RIMKLB: variants seen among roughly 807,000 people sequenced by gnomAD.
The protein encoded by RIMKLB is ribosomal modification protein rimK like family member B.
A neutral mutation model predicts 32.0 loss-of-function variants in RIMKLB; 7 were observed. The observed-to-expected ratio is 0.22, with a 90% CI of 0.12 to 0.41. The LOEUF (loss-of-function observed/expected upper bound fraction) is 0.41. Among genes scored for constraint, RIMKLB ranks in the 10% least tolerant of loss-of-function variants. The pLI is 1.00. For missense variants in RIMKLB, 289 were observed against 498.7 expected (o/e 0.58, Z 4.00); for synonymous variants, 172 against 185.1 (o/e 0.93, Z 0.57).
At chr12:8,668,982 T>A in the RIMKLB span, 1 of 150,006 alleles carries the variant, frequency 6.7e-6, no homozygotes, top group East Asian at 1.9e-4. Context: ...TTATATAAAT[T>A]TAATATATAT....
chr12:8,774,448 A>G lies in RIMKLB; in HGVS notation c.*664A>G, dbSNP rs887066667. The G allele has an allele frequency of 8.1e-6, 8 of 985,494 alleles. No homozygotes were observed. In the African/African-American group the frequency reaches 1.0e-4, roughly 13 times the overall value. 61.0% of individuals were successfully genotyped at this position (985,494 alleles called of 1,614,324 possible). ...TGAAATGGAAATGAACAGTATTGCA[A>G]TGTCCGGTATACAAAATAACATTAA... On this transcript the variant is annotated 3_prime_UTR_variant, in exon 6 of 6. Coordinates refer to ENST00000535829, the MANE Select transcript of RIMKLB (RefSeq NM_001297776.2).
At chr12:8,697,597 A>AC (rs1000029722), upstream of RIMKLB, 475 of 165,122 alleles carry the variant, frequency 2.9e-3, no homozygotes, top group Admixed American at 6.2e-3. Flanking sequence ...CTCGCCCCCC[A>AC]CCCCCCCCAT....
chr12:8,757,772 G>A (rs1237475383), intron 5 of RIMKLB, among the ~76,000 whole-genome samples: 4 of 152,054 alleles, frequency 2.6e-5, no homozygotes, highest in Non-Finnish European at 5.9e-5. Flanking sequence ...CCAGAAGTGG[G>A]ATTTCTGTGT....
At chr12:8,744,133 G>A (rs1947854272) in intron 2 of RIMKLB, among the ~76,000 whole-genome samples, 1 of 151,974 alleles carries the variant, frequency 6.6e-6, no homozygotes, top group South Asian at 2.1e-4. Flanking sequence ...TCAAAGGCAT[G>A]AGTGATATTT....
intron 2 of RIMKLB, among the ~76,000 whole-genome samples, chr12:8,725,087 A>C (rs758028753): frequency 7.9e-5 from 12 of 152,242 alleles, no homozygotes; most frequent in African/African-American, 2.9e-4. Context: ...CAAACACTGG[A>C]CCATCTTATT....
chr12:8,761,413 T>C (rs1949510542), intron 5 of RIMKLB, among the ~76,000 whole-genome samples: 1 of 152,174 alleles, frequency 6.6e-6, no homozygotes, highest in Non-Finnish European at 1.5e-5. Context: ...TTTTTTTGTT[T>C]CAGTTGCAAG....
In RIMKLB at chr12:8,753,959, C is replaced by T. The variant is rs754337339; in HGVS notation, c.563C>T (p.Ala188Val). The T allele has an allele frequency of 5.6e-6, 9 of 1,613,866 alleles. No homozygotes were observed. The highest frequency in any genetic ancestry group is 1.3e-5 in the African/African-American group (1 of 75,008). ...ADLSHLIRHE[A>V]PYLFQKYVKE... The stretch of plus-strand genomic sequence containing the variant: ...CTAAGCCATCTTATTCGCCATGAAG[C>T]GCCATACCTGTTCCAGAAGTATGTT... Residue 188 changes from alanine (A) to valine (V), a missense_variant, in exon 5 of 6, where the codon GCG (alanine) becomes GTG (valine). Ala to Val is a moderately conservative substitution (Grantham distance 64). Coordinates refer to ENST00000535829, the MANE Select transcript of RIMKLB (RefSeq NM_001297776.2).
intron 2 of RIMKLB, among the ~76,000 whole-genome samples, chr12:8,748,605 T>TA (rs1445783726): frequency 6.7e-6 from 1 of 148,190 alleles, no homozygotes; most frequent in Non-Finnish European, 1.5e-5. Flanking sequence ...AATTTATATA[T>TA]TTTTTATATA....
upstream of RIMKLB, among the ~76,000 whole-genome samples, chr12:8,694,918 A>G (rs1942840991): frequency 6.6e-6 from 1 of 152,200 alleles, no homozygotes; most frequent in Admixed American, 6.5e-5. Context: ...TTTTGGTATC[A>G]GTTAGTCTTG....
downstream of RIMKLB, chr12:8,780,830 GCCTGTAGGT>G (rs1209726986): frequency 6.6e-6 from 1 of 152,158 alleles, no homozygotes; most frequent in Non-Finnish European, 1.5e-5. Context: ...AATCATAAAT[GCCTGTAGGT>G]CCTTGCCTTA....
chr12:8,728,789 T>TTTTTGTTTG (rs1946276839), intron 2 of RIMKLB, among the ~76,000 whole-genome samples: 4 of 131,840 alleles, frequency 3.0e-5, no homozygotes, highest in Admixed American at 2.9e-4. Flanking sequence ...GTGTGTGTGT[T>TTTTTGTTTG]TTTGTTTGTT....
chr12:8,754,372 T>G (rs924320238), intron 5 of RIMKLB, among the ~76,000 whole-genome samples: 2 of 152,212 alleles, frequency 1.3e-5, no homozygotes, highest in African/African-American at 4.8e-5. Context: ...TGACAAAAGT[T>G]AAGAGATTCC....
upstream of RIMKLB, among the ~76,000 whole-genome samples, chr12:8,695,567 CTTTT>C (rs1224206899): frequency 6.6e-6 from 1 of 151,642 alleles, no homozygotes; most frequent in Non-Finnish European, 1.5e-5. Flanking sequence ...TTATCATTGG[CTTTT>C]TTTAAATACC....
intron 2 of RIMKLB, among the ~76,000 whole-genome samples, chr12:8,725,705 C>CT (rs1192549852): frequency 1.3e-5 from 2 of 152,216 alleles, no homozygotes; most frequent in East Asian, 3.8e-4. Context: ...GTTTAACCAT[C>CT]TATGTTCAGG....
At chr12:8,773,136 G>GA (rs1950538850) in intron 5 of RIMKLB, among the ~76,000 whole-genome samples, 185 bp from the exon 6 acceptor site, 1 of 151,910 alleles carries the variant, frequency 6.6e-6, no homozygotes, top group Non-Finnish European at 1.5e-5. Flanking sequence ...CAATTCCTGG[G>GA]AGACTGGATA....
intron 2 of RIMKLB, among the ~76,000 whole-genome samples, chr12:8,717,345 C>T (rs1018590018): frequency 6.6e-6 from 1 of 152,138 alleles, no homozygotes; most frequent in Non-Finnish European, 1.5e-5. Context: ...GTCATTTACA[C>T]ATTATCTGTG....
At position 8,712,241 on chromosome 12, in the gene RIMKLB, C is replaced by T. The variant is rs561565949; in HGVS notation, c.-56-1570C>T. ...AGGCTGGAGTGCAATAGCGTGATCTCGGCTCACTGCAACCTTTCCGCCTTC... is the reference window on the plus strand; with the variant it reads ...AGGCTGGAGTGCAATAGCGTGATCTTGGCTCACTGCAACCTTTCCGCCTTC... On this transcript the variant is annotated intron_variant, in intron 1 of 5. Transcript: ENST00000535829. Among the ~76,000 whole-genome samples, 154 of 152,002 alleles carry T rather than the reference C, an allele frequency of 1.0e-3. 1 individual carries two copies. Among genetic ancestry groups the T allele is most frequent in the Non-Finnish European group, 2.0e-3 (137 of 67,990 alleles).
chr12:8,765,987 G>A (rs866334294), intron 5 of RIMKLB, among the ~76,000 whole-genome samples: 30 of 151,966 alleles, frequency 2.0e-4, no homozygotes, highest in African/African-American at 6.8e-4. Flanking sequence ...TGAGGATATC[G>A]TGGCCAGGCA....
intron 1 of RIMKLB, chr12:8,700,392 CTA>C (rs1943284019): frequency 6.6e-6 from 1 of 152,272 alleles, no homozygotes; most frequent in South Asian, 2.1e-4. Context: ...GCTCCCCTCT[CTA>C]TGAGCTGAAA....
Sources: allele counts gnomAD v4.1 joint callset (sites outside exome capture counted in the v4.1 genomes callset), GRCh38; gene constraint gnomAD v4.1.1; transcripts MANE v1.5; gene names NCBI Gene and HGNC (gene_info 2026-07-23, HGNC 2026-07-21).